DNAH11: variants seen among roughly 807,000 people sequenced by gnomAD.
DNAH11 encodes the protein dynein axonemal heavy chain 11, also known as axonemal beta dynein heavy chain 11.
DNAH11 carries 442 observed loss-of-function variants against 526.0 expected under a neutral mutation model. The ratio of observed to expected loss-of-function variants is 0.84; its 90% CI spans 0.78 to 0.91. The LOEUF (loss-of-function observed/expected upper bound fraction) is 0.91, where lower values mean the gene tolerates loss of function less well. Ranked by LOEUF, DNAH11 falls within the 40% of genes least tolerant of loss-of-function variation. DNAH11 has a pLI of 0.00. For synonymous variants in DNAH11, 2,461 were observed against 1,935.9 expected, an observed-to-expected ratio of 1.27 and a Z score of -7.12; for missense variants, 6,989 against 5,448.7, an observed-to-expected ratio of 1.28 and a Z score of -8.90.
chr7:21,871,242 T>G (rs1158886086), intron 73 of DNAH11, among the ~76,000 whole-genome samples: 1 of 152,238 alleles, frequency 6.6e-6, no homozygotes, highest in African/African-American at 2.4e-5. Flanking sequence ...GCTTGTGAAT[T>G]AACATAACAG....
At chr7:21,670,552 G>T (rs1169274515) in intron 30 of DNAH11, among the ~76,000 whole-genome samples, 2 of 151,842 alleles carry the variant, frequency 1.3e-5, no homozygotes, top group African/African-American at 4.8e-5. Flanking sequence ...CTATTGAATT[G>T]GTTGGGCCTC....
At chr7:21,708,624 C>G (rs1374079437) in intron 40 of DNAH11, among the ~76,000 whole-genome samples, 2 of 152,148 alleles carry the variant, frequency 1.3e-5, no homozygotes, top group Non-Finnish European at 2.9e-5. Flanking sequence ...GATTGGATCC[C>G]TGCCCCCGTC....
intron 20 of DNAH11, among the ~76,000 whole-genome samples, chr7:21,611,910 T>G (rs1785536739): frequency 1.3e-5 from 2 of 152,228 alleles, no homozygotes; most frequent in Non-Finnish European, 2.9e-5. Flanking sequence ...TAGTTATTTA[T>G]AGTGAATAAC....
At chr7:21,625,476 T>C (rs193062828) in intron 25 of DNAH11, among the ~76,000 whole-genome samples, 3 of 152,270 alleles carry the variant, frequency 2.0e-5, no homozygotes, top group Admixed American at 1.3e-4. Flanking sequence ...TTGGTCGTTT[T>C]GTTGTCTTTG....
intron 75 of DNAH11, among the ~76,000 whole-genome samples, chr7:21,881,123 G>T (rs1436271801): frequency 1.3e-5 from 2 of 150,048 alleles, no homozygotes; most frequent in African/African-American, 4.9e-5. Context: ...GCAGCTTAGT[G>T]TAAAAAAAAA....
At position 21,596,661 on chromosome 7, in the gene DNAH11, A is replaced by T. The variant is rs76160987; in HGVS notation, c.2668-3126A>T. Among the ~76,000 whole-genome samples the T allele has an allele frequency of 8.8e-3, 1,340 of 152,320 alleles. 13 individuals carry two copies. The highest frequency in any genetic ancestry group is 0.031 in the African/African-American group (1,280 of 41,574). On this transcript the variant is annotated intron_variant, in intron 14 of 81. Transcript: ENST00000409508. The stretch of plus-strand genomic sequence containing the variant: ...ATGAATCCTGATGAAAATGCATTAA[A>T]AGTATGGCCAAGACATGACTAGAAA...
At chr7:21,677,136 A>G (rs115480878) in intron 30 of DNAH11, among the ~76,000 whole-genome samples, 64 of 152,146 alleles carry the variant, frequency 4.2e-4, no homozygotes, top group African/African-American at 1.3e-3. Flanking sequence ...TAAAGATGCA[A>G]TGTATTAAAA....
intron 76 of DNAH11, among the ~76,000 whole-genome samples, chr7:21,889,233 T>C (rs935652762): frequency 6.6e-5 from 10 of 152,374 alleles, no homozygotes; most frequent in Middle Eastern, 3.4e-3. Flanking sequence ...CAGTACTCAA[T>C]TCCTTTTAAG....
At chr7:21,787,284 C>T (rs1414558650) in intron 59 of DNAH11, 117 bp from the exon 60 acceptor site, 13 of 927,144 alleles carry the variant, frequency 1.4e-5, no homozygotes, top group African/African-American at 1.2e-4. Flanking sequence ...AGGATAAATG[C>T]AGCTTGCCAA....
intron 34 of DNAH11, among the ~76,000 whole-genome samples, chr7:21,690,133 G>T (rs532958016): frequency 1.3e-5 from 2 of 152,030 alleles, no homozygotes; most frequent in Non-Finnish European, 2.9e-5. Context: ...TTAAATCCTT[G>T]CAGAATCCAA....
chr7:21,684,507 TA>T (rs1330385510), intron 32 of DNAH11, among the ~76,000 whole-genome samples: 2 of 152,184 alleles, frequency 1.3e-5, no homozygotes, highest in African/African-American at 4.8e-5. Flanking sequence ...ATGACAACAA[TA>T]AAAAAAGATC....
chr7:21,888,182 A>C (rs78346678), intron 76 of DNAH11, among the ~76,000 whole-genome samples: 2 of 152,078 alleles, frequency 1.3e-5, no homozygotes, highest in African/African-American at 4.8e-5. Flanking sequence ...CATTCTCAAG[A>C]CACCATGATA....
intron 61 of DNAH11, among the ~76,000 whole-genome samples, chr7:21,792,819 T>G (rs1466050682): frequency 6.6e-6 from 1 of 152,134 alleles, no homozygotes; most frequent in South Asian, 2.1e-4. Flanking sequence ...GTTTATCTTT[T>G]GAAAAAATGA....
rs535476912 is a variant in DNAH11 at position 21,752,033 on chromosome 7, A to G, written c.8940+1669A>G. On this transcript the variant is annotated intron_variant, in intron 54 of 81. Transcript: ENST00000409508. ...TCAACAAGCAACTTTTTAAAAATGC[A>G]TTTTCTCCAACTCCAAGCCAGACCT... 2.6e-3 allele frequency among the ~76,000 whole-genome samples: 390 copies of G among 152,334 alleles called. 2 individuals are homozygous for G. The highest frequency in any genetic ancestry group is 9.1e-3 in the African/African-American group (379 of 41,570).
chr7:21,645,288 C>G (rs1036543972), intron 28 of DNAH11, among the ~76,000 whole-genome samples: 1 of 152,144 alleles, frequency 6.6e-6, no homozygotes, highest in African/African-American at 2.4e-5. Flanking sequence ...GAGCTTCCAG[C>G]TATAACAGAT....
At chr7:21,862,119 A>T in intron 69 of DNAH11, 96 bp downstream of exon 69, 6 of 1,154,134 alleles carry the variant, frequency 5.2e-6, no homozygotes, top group Non-Finnish European at 6.9e-6. Context: ...AAAATATAAT[A>T]GACTTTTTTT....
Position 21,818,689 on chromosome 7 carries a change from A to G in DNAH11, c.10691+350A>G, listed in dbSNP as rs78983880. On this transcript the variant is annotated intron_variant, in intron 65 of 81. Transcript: ENST00000409508. Reference sequence around the variant, plus strand: ...GGCTGCCTATCTACATATCACTTGTACCCTGTTTAATGTTTTTCTTTAATT... The same window carrying G: ...GGCTGCCTATCTACATATCACTTGTGCCCTGTTTAATGTTTTTCTTTAATT... 5.3e-3 allele frequency among the ~76,000 whole-genome samples: 814 copies of G among 152,234 alleles called. 17 individuals carry two copies. The highest frequency in any genetic ancestry group is 0.018 in the African/African-American group (734 of 41,540).
intron 39 of DNAH11, 107 bp from the exon 40 acceptor site, chr7:21,707,592 G>A (rs2128480121): frequency 3.0e-6 from 4 of 1,343,662 alleles, no homozygotes; most frequent in East Asian, 2.5e-5. Context: ...CACACACACA[G>A]CATCTAGGAA....
In DNAH11 at chr7:21,606,745, C is replaced by G; in HGVS notation, c.3852+12C>G. 6.3e-7 allele frequency: 1 copy of G among 1,588,744 alleles called. No homozygotes were observed. The highest frequency in any genetic ancestry group is 8.6e-7 in the Non-Finnish European group (1 of 1,164,324). ...CAGCGCTTGATAAGGTAATACAGAT[C>G]TCAAATATCCTGTGTGCATTAAAAT... is the stretch of plus-strand genomic sequence containing the variant. On this transcript the variant is annotated intron_variant, in intron 20 of 81. Coordinates refer to ENST00000409508, the MANE Select transcript of DNAH11 (RefSeq NM_001277115.2).
Sources: gnomAD v4.1 joint callset for allele counts (sites outside exome capture counted in the v4.1 genomes callset) on GRCh38, gnomAD v4.1.1 for gene constraint, MANE v1.5 for transcripts, NCBI Gene and HGNC (gene_info 2026-07-23, HGNC 2026-07-21) for gene names.